The following SRRM4 variants were observed in gnomAD, a reference collection of about 807,000 sequenced individuals.
SRRM4 encodes the protein serine/arginine repetitive matrix protein 4.
In SRRM4, 33 loss-of-function variants were observed where a neutral mutation model predicts 68.9. That is an observed-to-expected ratio of 0.48 (90% CI 0.36 to 0.64). SRRM4 has a LOEUF of 0.64. Ranked by LOEUF, SRRM4 falls within the 30% of genes least tolerant of loss-of-function variation. SRRM4 has a pLI of 0.00. For missense variants in SRRM4, 817 were observed against 827.1 expected (o/e 0.99, Z 0.15); for synonymous variants, 318 against 318.8 (o/e 1.00, Z 0.03).
intron 1 of SRRM4, among the ~76,000 whole-genome samples, chr12:119,014,960 G>A (rs1204956108): frequency 6.6e-6 from 1 of 152,304 alleles, no homozygotes; most frequent in East Asian, 1.9e-4. Context: ...GTTTATGGCA[G>A]CATTGCTGTA....
chr12:119,124,913 T>C (rs1954247110), intron 6 of SRRM4, among the ~76,000 whole-genome samples: 1 of 152,154 alleles, frequency 6.6e-6, no homozygotes. Context: ...AATTAGAGGA[T>C]CACCACACAA....
chr12:119,043,913 T>A (rs1280306802), intron 1 of SRRM4, among the ~76,000 whole-genome samples: 1 of 152,120 alleles, frequency 6.6e-6, no homozygotes, highest in East Asian at 1.9e-4. Flanking sequence ...TTGCCCAGGC[T>A]GGAGTGCAAT....
chr12:119,102,108 A>G (rs1460748712), intron 1 of SRRM4, 128 bp from the exon 2 acceptor site: 10 of 918,470 alleles, frequency 1.1e-5, no homozygotes, highest in Non-Finnish European at 1.3e-5. Flanking sequence ...TTGGCCAAAG[A>G]TAATCTCATG....
rs115547912 is a variant in SRRM4, at chr12:119,148,713, C to T, written c.1077-2304C>T. 1.4e-3 allele frequency among the ~76,000 whole-genome samples: 210 copies of T among 152,312 alleles called. 2 individuals are homozygous for T. The highest frequency in any genetic ancestry group is 4.8e-3 in the African/African-American group (198 of 41,560). The stretch of plus-strand genomic sequence containing the variant: ...TACAAATATGTCCCCCAAACAGGAA[C>T]TAAAGCCTGAGAGACATCTAGCAGT... On this transcript the variant is annotated intron_variant, in intron 9 of 12. Coordinates refer to ENST00000267260, the MANE Select transcript of SRRM4 (RefSeq NM_194286.4).
intron 7 of SRRM4, among the ~76,000 whole-genome samples, chr12:119,129,390 G>C (rs558127550): frequency 2.0e-5 from 3 of 152,172 alleles, no homozygotes; most frequent in Admixed American, 2.0e-4. Context: ...AGATCTAGAC[G>C]TGACAAACTT....
chr12:119,154,708 GGA>G lies in SRRM4; in HGVS notation c.1532+331_1532+332del, dbSNP rs1200272701. Among the ~76,000 whole-genome samples the G allele has an allele frequency of 6.6e-6, 1 of 152,202 alleles. No homozygotes were observed. Among genetic ancestry groups the G allele is most frequent in the Non-Finnish European group, 1.5e-5 (1 of 68,034 alleles). ...CTGGGGCCGGGGAGGCGGAGCTGGG[GGA>G]GAGAGTGGCGTCAGGCCAGGGAATG... On this transcript the variant is annotated intron_variant, in intron 12 of 12. Coordinates refer to ENST00000267260, the MANE Select transcript of SRRM4 (RefSeq NM_194286.4). The surrounding 1 kb of genome is among the most constrained non-coding windows in gnomAD (Gnocchi z 4.7).
At chr12:119,156,280 A>G (rs1954470539) in intron 12 of SRRM4, among the ~76,000 whole-genome samples, 2 of 152,188 alleles carry the variant, frequency 1.3e-5, no homozygotes, top group Non-Finnish European at 2.9e-5. Context: ...GGAAAGAAAA[A>G]AGTGAGATAA....
chr12:119,031,015 G>T (rs962048317), intron 1 of SRRM4: 20 of 152,296 alleles, frequency 1.3e-4, no homozygotes, highest in African/African-American at 4.3e-4. Flanking sequence ...GATATGTACT[G>T]CTGGGTAATA....
rs779665136 is a variant in SRRM4, at chr12:119,156,638, G to C, written c.1676G>C (p.Arg559Pro). The stretch of plus-strand genomic sequence containing the variant: ...CGGAGCCGGAGTCGGAGCCGGAGCC[G>C]GAGACGGAGCCGGACCCGCACGAGC... ...YSRSRSRSRS[R>P]RRSRTRTSSS... The change falls in exon 13 of 13, where the codon CGG becomes CCG. Residue 559 changes from arginine to proline, a missense_variant. Coordinates refer to ENST00000267260, the MANE Select transcript of SRRM4 (RefSeq NM_194286.4). 6.3e-7 allele frequency: 1 copy of C among 1,596,154 alleles called. No homozygotes were observed. Among genetic ancestry groups the C allele is most frequent in the South Asian group, 1.1e-5 (1 of 88,150 alleles).
At chr12:119,013,217 T>C in intron 1 of SRRM4, among the ~76,000 whole-genome samples, 1 of 152,102 alleles carries the variant, frequency 6.6e-6, no homozygotes, top group East Asian at 1.9e-4. Flanking sequence ...TCCTGTAGCA[T>C]AAAGAATGTC....
At position 119,156,724 on chromosome 12, in the gene SRRM4, C is replaced by T. The variant is rs1011887005; in HGVS notation, c.1762C>T (p.Arg588Trp). 3.9e-5 allele frequency: 60 copies of T among 1,545,602 alleles called. No individual in the cohort carries two copies. Among genetic ancestry groups the T allele is most frequent in the East Asian group, 7.3e-5 (3 of 40,888 alleles). The change falls in exon 13 of 13, where the codon CGG (arginine) becomes TGG (tryptophan). Residue 588 changes from arginine (R) to tryptophan (W), a missense_variant. Physicochemically the swap from Arg to Trp is moderately radical, Grantham distance 101. Coordinates refer to ENST00000267260, the MANE Select transcript of SRRM4 (RefSeq NM_194286.4). ...CCGCAGCCGGAGCCGGAGCAGGAGC[C>T]GGAGCCGGAGCCGGAGCAGGAGCCA... Reference protein sequence around the residue: ...GSRSRSRSRSRSRSRSRSQSR... With the variant: ...GSRSRSRSRSWSRSRSRSQSR...
intron 1 of SRRM4, among the ~76,000 whole-genome samples, chr12:119,084,746 G>A (rs1324613301): frequency 2.0e-5 from 3 of 152,078 alleles, no homozygotes; most frequent in Non-Finnish European, 4.4e-5. Flanking sequence ...TTGCAATGGA[G>A]GGGGATTGTG....
At chr12:119,124,401 A>G (rs1302006073) in intron 6 of SRRM4, 1 of 152,186 alleles carries the variant, frequency 6.6e-6, no homozygotes, top group Non-Finnish European at 1.5e-5. Context: ...GAGCAATGGG[A>G]AAGTTTTAAG....
intron 1 of SRRM4, among the ~76,000 whole-genome samples, chr12:119,074,009 A>G (rs1953893987): frequency 6.6e-6 from 1 of 152,152 alleles, no homozygotes. Context: ...ATAAGATAAT[A>G]TATGTAAAGT....
chr12:119,156,404 G>A, intron 12 of SRRM4, 91 bp from the exon 13 acceptor site: 1 of 1,464,304 alleles, frequency 6.8e-7, no homozygotes, highest in Non-Finnish European at 9.0e-7. Context: ...GGAAAGGGAG[G>A]ATATTGGTTT....
At chr12:119,084,092 T>G (rs1953965820) in intron 1 of SRRM4, among the ~76,000 whole-genome samples, 1 of 152,182 alleles carries the variant, frequency 6.6e-6, no homozygotes, top group African/African-American at 2.4e-5. Context: ...GTGCAGGAAC[T>G]GAGGCAAAGA....
intron 1 of SRRM4, among the ~76,000 whole-genome samples, chr12:118,999,754 A>T (rs1328376727): frequency 6.6e-6 from 1 of 152,152 alleles, no homozygotes; most frequent in African/African-American, 2.4e-5. Context: ...AACTTTATCA[A>T]ACCCAGTCCC....
At chr12:119,088,697 G>A (rs1237361465) in intron 1 of SRRM4, among the ~76,000 whole-genome samples, 2 of 147,520 alleles carry the variant, frequency 1.4e-5, no homozygotes. Flanking sequence ...TAAGTGGGGG[G>A]CCACAAAAGG....
At chr12:119,051,384 GA>G (rs549472992) in intron 1 of SRRM4, among the ~76,000 whole-genome samples, 2 of 152,158 alleles carry the variant, frequency 1.3e-5, no homozygotes, top group African/African-American at 4.8e-5. Context: ...TCTACTGGGG[GA>G]AAAAAGCAAG....
Sources: allele counts gnomAD v4.1 joint callset (sites outside exome capture counted in the v4.1 genomes callset), GRCh38; gene constraint gnomAD v4.1.1; non-coding constraint Gnocchi (gnomAD v3.1); transcripts MANE v1.5; gene names NCBI Gene and HGNC (gene_info 2026-07-23, HGNC 2026-07-21).